Variants in GSE1 observed in about 807,000 individuals in gnomAD.
The protein encoded by GSE1 is genetic suppressor element 1.
GSE1 carries 32 observed loss-of-function variants against 112.6 expected under a neutral mutation model. The ratio of observed to expected loss-of-function variants is 0.28; its 90% CI spans 0.21 to 0.38. The LOEUF (loss-of-function observed/expected upper bound fraction) is 0.38, where lower values mean the gene tolerates loss of function less well. GSE1 is among the 10% of genes least tolerant of loss of function. The probability of loss-of-function intolerance (pLI) is 1.00; values close to 1 mark genes in which losing one functional copy is unlikely to be tolerated. For missense variants in GSE1, 2,348 were observed against 1,699.2 expected, an observed-to-expected ratio of 1.38 and a Z score of -6.71; for synonymous variants, 1,115 against 735.6, an observed-to-expected ratio of 1.52 and a Z score of -8.35.
At chr16:85,442,069 C>T (rs987729587) in intron 2 of GSE1, among the ~76,000 whole-genome samples, 2 of 152,244 alleles carry the variant, frequency 1.3e-5, no homozygotes, top group Admixed American at 6.5e-5. Context: ...TCCAAACAGC[C>T]AGATCTGTTT....
At chr16:85,499,406 G>A (rs972524507) in intron 2 of GSE1, among the ~76,000 whole-genome samples, 1 of 139,602 alleles carries the variant, frequency 7.2e-6, no homozygotes, top group Non-Finnish European at 1.5e-5. Flanking sequence ...CGCCTCCCAG[G>A]TTCACACCAT....
intron 1 of GSE1, among the ~76,000 whole-genome samples, chr16:85,333,225 C>T (rs1314477914): frequency 1.3e-5 from 2 of 152,284 alleles, no homozygotes; most frequent in East Asian, 1.9e-4. Context: ...CAAGTGGGTC[C>T]TCTTTCCTCA....
chr16:85,196,756 C>T (rs1408848697), intron 1 of GSE1, among the ~76,000 whole-genome samples: 1 of 152,084 alleles, frequency 6.6e-6, no homozygotes, highest in East Asian at 1.9e-4. Flanking sequence ...CCATTAGGCC[C>T]TGTGTTTAGA....
chr16:85,535,939 T>G (rs2044311365), intron 2 of GSE1, among the ~76,000 whole-genome samples: 1 of 152,234 alleles, frequency 6.6e-6, no homozygotes, highest in African/African-American at 2.4e-5. Context: ...CCGGAAAGCA[T>G]TTATTGAGCA....
intron 2 of GSE1, among the ~76,000 whole-genome samples, chr16:85,435,180 G>A (rs1199715164): frequency 2.0e-5 from 3 of 152,244 alleles, no homozygotes; most frequent in African/African-American, 7.2e-5. Context: ...TGGCAGCAGG[G>A]CCTAGATGCC....
At chr16:85,647,382 A>C (rs1321545459) in intron 2 of GSE1, among the ~76,000 whole-genome samples, 4 of 152,150 alleles carry the variant, frequency 2.6e-5, no homozygotes, top group Non-Finnish European at 5.9e-5. Context: ...GGTGGTTGTA[A>C]ACAGCGAACC....
intron 1 of GSE1, among the ~76,000 whole-genome samples, chr16:85,280,568 G>A (rs184825570): frequency 2.6e-5 from 4 of 152,210 alleles, no homozygotes; most frequent in South Asian, 2.1e-4. Flanking sequence ...GCCAATTTTT[G>A]TGTCTTTAGT....
At chr16:85,637,343 G>C (rs1179219266) in intron 2 of GSE1, among the ~76,000 whole-genome samples, 1 of 152,158 alleles carries the variant, frequency 6.6e-6, no homozygotes, top group Non-Finnish European at 1.5e-5. Flanking sequence ...CCTGCTTCTC[G>C]TGGCTGGACG....
At chr16:85,196,095 C>T (rs10083753) in intron 1 of GSE1, among the ~76,000 whole-genome samples, 1 of 152,176 alleles carries the variant, frequency 6.6e-6, no homozygotes, top group Non-Finnish European at 1.5e-5. Flanking sequence ...AACGAGGGCT[C>T]TAAATAGTCT....
chr16:85,525,499 C>G (rs1433210292), intron 2 of GSE1, among the ~76,000 whole-genome samples: 2 of 152,246 alleles, frequency 1.3e-5, no homozygotes. Context: ...CTACCCTGCT[C>G]ATGATGCCCA....
chr16:85,613,106 G>C, upstream of GSE1: 3 of 931,868 alleles, frequency 3.2e-6, no homozygotes, highest in South Asian at 2.4e-5. Flanking sequence ...CGGTGCGCGC[G>C]CGCGCGCCTG....
chr16:85,507,095 C>T (rs754517451), intron 2 of GSE1, among the ~76,000 whole-genome samples: 4 of 152,154 alleles, frequency 2.6e-5, no homozygotes, highest in South Asian at 4.2e-4. Context: ...ATTTGGTTGG[C>T]GTGGCTGTGT....
intron 2 of GSE1, among the ~76,000 whole-genome samples, chr16:85,521,272 C>T (rs945345541): frequency 1.3e-5 from 2 of 152,176 alleles, no homozygotes; most frequent in Non-Finnish European, 2.9e-5. Context: ...GACATAAACC[C>T]AAAGAGTGAC....
chr16:85,267,188 A>C (rs1014255559), intron 1 of GSE1, among the ~76,000 whole-genome samples: 3 of 151,032 alleles, frequency 2.0e-5, no homozygotes, highest in Non-Finnish European at 4.4e-5. Context: ...CTCCCCTGAG[A>C]CTCCCGCCCC....
intron 4 of GSE1, 43 bp from the exon 5 acceptor site, chr16:85,654,751 T>G: frequency 8.1e-7 from 1 of 1,227,604 alleles, no homozygotes; most frequent in South Asian, 1.2e-5. Context: ...GGAGCAGGTG[T>G]GCACTCACCT....
Position 85,497,928 on chromosome 16 carries a change from G to T in GSE1, c.2465-135986G>T, listed in dbSNP as rs982225317. ...TACAGATGGGAAACCAAAGCCTGGG[G>T]AGCTGACATCGCTTTTACCAGAAGT... On this transcript the variant is annotated intron_variant, in intron 2 of 2. Transcript: ENST00000637419. Among the ~76,000 whole-genome samples the T allele has an allele frequency of 1.0e-3, 157 of 152,296 alleles. 1 individual carries two copies. The highest frequency in any genetic ancestry group is 3.7e-3 in the African/African-American group (153 of 41,550).
At chr16:85,614,960 A>T (rs987943561) in intron 1 of GSE1, among the ~76,000 whole-genome samples, 1 of 152,120 alleles carries the variant, frequency 6.6e-6, no homozygotes, top group South Asian at 2.1e-4. Context: ...GGGCAGAGAG[A>T]AGGTCTTGGT....
chr16:85,360,256 G>T (rs1348474382), intron 2 of GSE1, among the ~76,000 whole-genome samples: 1 of 152,070 alleles, frequency 6.6e-6, no homozygotes, highest in East Asian at 1.9e-4. Flanking sequence ...TTGGGGGCGG[G>T]GGCCTGAGAG....
intron 2 of GSE1, among the ~76,000 whole-genome samples, chr16:85,390,757 A>C (rs1251094721): frequency 1.8e-5 from 2 of 111,004 alleles, no homozygotes; most frequent in African/African-American, 6.8e-5. Flanking sequence ...CCCCAGCCCG[A>C]ACCCCGTGCT....
Sources: gnomAD v4.1 joint callset for allele counts (sites outside exome capture counted in the v4.1 genomes callset) on GRCh38, gnomAD v4.1.1 for gene constraint, MANE v1.5 for transcripts, NCBI Gene and HGNC (gene_info 2026-07-23, HGNC 2026-07-21) for gene names.